Variants in DEPDC7 observed in about 807,000 individuals in gnomAD.
The protein encoded by DEPDC7 is DEP domain-containing protein 7.
A neutral mutation model predicts 56.6 loss-of-function variants in DEPDC7; 41 were observed. That is an observed-to-expected ratio of 0.72 (90% CI 0.56 to 0.94). The LOEUF is 0.94. DEPDC7 is among the 40% of genes least tolerant of loss of function. DEPDC7 has a pLI of 0.00. For missense variants in DEPDC7, 522 were observed against 596.3 expected, an observed-to-expected ratio of 0.88 and a Z score of 1.30; for synonymous variants, 185 against 208.8, an observed-to-expected ratio of 0.89 and a Z score of 0.98.
At chr11:33,021,398 T>TA (rs1363818305) in intron 1 of DEPDC7, among the ~76,000 whole-genome samples, 10 of 152,158 alleles carry the variant, frequency 6.6e-5, no homozygotes, top group African/African-American at 2.4e-4. Flanking sequence ...TTGCAAGACT[T>TA]AAAAAACATT....
intron 1 of DEPDC7, among the ~76,000 whole-genome samples, chr11:33,023,700 T>C (rs1853545929): frequency 6.6e-6 from 1 of 152,140 alleles, no homozygotes; most frequent in African/African-American, 2.4e-5. Flanking sequence ...GCCCGGCCAA[T>C]TTTTGTATTT....
intron 1 of DEPDC7, among the ~76,000 whole-genome samples, chr11:33,021,779 C>T (rs1378089999): frequency 2.0e-5 from 3 of 152,140 alleles, no homozygotes; most frequent in African/African-American, 7.2e-5. Flanking sequence ...ACTCTGGAAA[C>T]CTGTGGTTCA....
chr11:33,023,015 G>A (rs566416931), intron 1 of DEPDC7, among the ~76,000 whole-genome samples: 1 of 152,178 alleles, frequency 6.6e-6, no homozygotes, highest in Non-Finnish European at 1.5e-5. Context: ...CACGAGGTCA[G>A]GAGATCGAGA....
chr11:33,021,111 C>T (rs1014544640), intron 1 of DEPDC7, among the ~76,000 whole-genome samples: 2 of 151,812 alleles, frequency 1.3e-5, no homozygotes, highest in Non-Finnish European at 2.9e-5. Context: ...ATTAGCTGCA[C>T]GTGGTGGCGC....
chr11:33,017,702 C>T (rs907979269), intron 1 of DEPDC7, among the ~76,000 whole-genome samples: 1 of 152,218 alleles, frequency 6.6e-6, no homozygotes, highest in South Asian at 2.1e-4. Flanking sequence ...CTTTGCCATT[C>T]TCTTTCTGTG....
chr11:33,030,452 CGATA>C (rs61268969), intron 4 of DEPDC7, among the ~76,000 whole-genome samples: 46 of 150,856 alleles, frequency 3.0e-4, no homozygotes, highest in South Asian at 2.7e-3. Flanking sequence ...TGCTTTTTAA[CGATA>C]GATAGATAGA....
Position 33,028,660 on chromosome 11 carries a change from T to C in DEPDC7, c.650T>C (p.Leu217Pro), listed in dbSNP as rs1383638098. Reference protein sequence around the residue: ...TIGRLLQLVDLPLLDSLLKQQ... With the variant: ...TIGRLLQLVDPPLLDSLLKQQ... The stretch of plus-strand genomic sequence containing the variant: ...GGGCGTCTACTACAACTTGTAGACC[T>C]TCCACTTCTTGACTCCTTACTGAAA... Residue 217 changes from leucine to proline, a missense_variant, in exon 4 of 9, where the codon CTT becomes CCT. Leu to Pro is a moderately conservative substitution (Grantham distance 98). Transcript: ENST00000241051. 7 of 1,613,620 alleles carry C rather than the reference T, an allele frequency of 4.3e-6. 1 individual carries two copies. Among genetic ancestry groups the C allele is most frequent in the Middle Eastern group, 3.3e-4 (2 of 6,058 alleles).
At chr11:33,024,793 T>G (rs1025813619) in intron 1 of DEPDC7, among the ~76,000 whole-genome samples, 1 of 129,980 alleles carries the variant, frequency 7.7e-6, no homozygotes, top group Non-Finnish European at 1.6e-5. Context: ...TGTTTTGTGA[T>G]GCATGACTCT....
chr11:33,032,546 A>G, intron 6 of DEPDC7, 68 bp downstream of exon 6: 1 of 1,436,498 alleles, frequency 7.0e-7, no homozygotes, highest in South Asian at 1.4e-5. Flanking sequence ...GTATTAGATT[A>G]TTCCATCTTC....
At chr11:33,016,787 C>T (rs1252894129) in intron 1 of DEPDC7, among the ~76,000 whole-genome samples, 2 of 152,168 alleles carry the variant, frequency 1.3e-5, no homozygotes, top group East Asian at 3.8e-4. Context: ...TTCTAAAATG[C>T]TGGTTATAGC....
At chr11:33,027,906 T>C (rs1485362962) in intron 3 of DEPDC7, 93 bp downstream of exon 3, 2 of 1,298,148 alleles carry the variant, frequency 1.5e-6, no homozygotes, top group Non-Finnish European at 1.0e-6. Context: ...ATTTTAAATA[T>C]TCAAAGTACA....
At chr11:33,028,842 G>T in intron 4 of DEPDC7, 50 bp downstream of exon 4, 1 of 1,405,760 alleles carries the variant, frequency 7.1e-7, no homozygotes, top group Non-Finnish European at 9.6e-7. Context: ...GGTAGATTGA[G>T]ATAATGGTTT....
At chr11:33,026,336 G>A (rs1055792174) in intron 2 of DEPDC7, 8 of 362,520 alleles carry the variant, frequency 2.2e-5, no homozygotes, top group East Asian at 2.0e-4. Flanking sequence ...AGAACATAGC[G>A]AAGGCAGGCA....
At position 33,028,792 on chromosome 11, in the gene DEPDC7, A is replaced by G. The variant is rs1348970518; in HGVS notation, c.782A>G (p.Gln261Arg). 5 of 1,595,488 alleles carry G rather than the reference A, an allele frequency of 3.1e-6. No individual in the cohort carries two copies. The highest frequency in any genetic ancestry group is 4.3e-6 in the Non-Finnish European group (5 of 1,173,096). Residue 261 changes from glutamine to arginine, a missense_variant and splice_region_variant, in exon 4 of 9, where the codon CAG becomes CGG. Coordinates refer to ENST00000241051, the MANE Select transcript of DEPDC7 (RefSeq NM_001077242.2). ...RGILKAYSDSQEDEWLSAAID... is the reference protein window; with the variant it reads ...RGILKAYSDSREDEWLSAAID... ...ATTCTCAAGGCTTATAGTGACTCTC[A>G]GTATGTGGAAATACATATAATAATT...
Position 33,031,441 on chromosome 11 carries a change from G to A in DEPDC7, c.846G>A (p.Val282=), listed in dbSNP as rs1294138147. Residue 282 remains valine, a synonymous_variant, in exon 5 of 9, where the codon GTG becomes GTA. Transcript: ENST00000241051. ...CLEYLPDQMV[V]EISRSFPEQP... ...AATACCTTCCAGACCAAATGGTGGT[G>A]GAAATAAGCAGAAGCTTTCCTGAGC... is the stretch of plus-strand genomic sequence containing the variant. 6.2e-6 allele frequency: 10 copies of A among 1,614,072 alleles called. No individual in the cohort carries two copies. Among genetic ancestry groups the A allele is most frequent in the South Asian group, 1.1e-5 (1 of 91,080 alleles).
chr11:33,030,175 G>A (rs1853618099), intron 4 of DEPDC7, among the ~76,000 whole-genome samples: 1 of 152,180 alleles, frequency 6.6e-6, no homozygotes, highest in Non-Finnish European at 1.5e-5. Context: ...GGCCAGGGTG[G>A]TCTTGAACTC....
intron 1 of DEPDC7, among the ~76,000 whole-genome samples, chr11:33,022,018 A>G (rs956368986): frequency 6.6e-6 from 1 of 152,198 alleles, no homozygotes; most frequent in African/African-American, 2.4e-5. Context: ...CAGCCTTGTC[A>G]TTTAGGATTT....
chr11:33,019,198 G>A (rs764528388), intron 1 of DEPDC7, among the ~76,000 whole-genome samples: 7 of 152,030 alleles, frequency 4.6e-5, no homozygotes, highest in Admixed American at 6.5e-5. Context: ...CACTACTGAC[G>A]TTTTCTTTGT....
In DEPDC7 at chr11:33,025,788, G is replaced by A. The variant is rs868433858; in HGVS notation, c.203G>A (p.Gly68Asp). The A allele has an allele frequency of 6.2e-7, 1 of 1,614,050 alleles. No individual in the cohort carries two copies. The highest frequency in any genetic ancestry group is 1.3e-5 in the African/African-American group (1 of 74,926). Residue 68 changes from glycine (G) to aspartate (D), a missense_variant, in exon 2 of 9, where the codon GGT (glycine) becomes GAT (aspartate). Transcript: ENST00000241051. ...AAACGACATAATGACTGCTTTGTTG[G>A]TTCAGAAGCTGTGGATGTCATTTTT... ...RLKRHNDCFV[G>D]SEAVDVIFSH...
Sources: allele counts gnomAD v4.1 joint callset (sites outside exome capture counted in the v4.1 genomes callset), GRCh38; gene constraint gnomAD v4.1.1; transcripts MANE v1.5; gene names NCBI Gene and HGNC (gene_info 2026-07-23, HGNC 2026-07-21).